SH3RF3: variants seen among roughly 807,000 people sequenced by gnomAD.
SH3RF3 encodes the protein E3 ubiquitin-protein ligase SH3RF3.
A neutral mutation model predicts 66.3 loss-of-function variants in SH3RF3; 29 were observed. That is an observed-to-expected ratio of 0.44 (90% CI 0.33 to 0.60). The LOEUF is 0.60. SH3RF3 is among the 20% of genes least tolerant of loss of function. The probability of loss-of-function intolerance (pLI) is 0.04; values close to 1 mark genes in which losing one functional copy is unlikely to be tolerated. For synonymous variants in SH3RF3, 583 were observed against 532.0 expected (o/e 1.10, Z -1.32); for missense variants, 1,194 against 1,190.9 (o/e 1.00, Z -0.04).
At chr2:109,155,427 C>T (rs926394768) in intron 1 of SH3RF3, among the ~76,000 whole-genome samples, 13 of 152,118 alleles carry the variant, frequency 8.5e-5, no homozygotes, top group African/African-American at 3.1e-4. Context: ...CTCGGCCTCC[C>T]GAGTAGCTGG....
chr2:109,347,597 G>T (rs558925193), intron 1 of SH3RF3, 77 bp from the exon 2 acceptor site: 4 of 1,535,946 alleles, frequency 2.6e-6, no homozygotes, highest in Non-Finnish European at 3.5e-6. Context: ...GAGAAGCCCC[G>T]GCCTGCCCCG....
intron 3 of SH3RF3, among the ~76,000 whole-genome samples, chr2:109,396,132 C>G (rs567954736): frequency 3.6e-4 from 55 of 152,278 alleles, no homozygotes; most frequent in African/African-American, 1.3e-3. Flanking sequence ...TCCTCTATAC[C>G]CTGTCAAGTG....
rs577834828 is a variant in SH3RF3 at position 109,299,480 on chromosome 2, A to G, written c.574-48194A>G. The stretch of plus-strand genomic sequence containing the variant: ...GCCAGCCACCAGGGCCTTTTGAAGC[A>G]GGGAGACCTCCCATGATGTACCCCT... On this transcript the variant is annotated intron_variant, in intron 1 of 9. Transcript: ENST00000309415. Among the ~76,000 whole-genome samples the G allele has an allele frequency of 5.9e-5, 9 of 151,962 alleles. No individual in the cohort carries two copies. The East Asian group carries it at 9.8e-4, about 16-fold the overall frequency.
chr2:109,451,092 C>T (rs1246028347), intron 8 of SH3RF3, among the ~76,000 whole-genome samples: 1 of 152,256 alleles, frequency 6.6e-6, no homozygotes, highest in Non-Finnish European at 1.5e-5. Context: ...GGCCTCAGCA[C>T]CTCCTGTGTT....
At chr2:109,498,161 G>A (rs560368181) in intron 9 of SH3RF3, among the ~76,000 whole-genome samples, 5 of 152,170 alleles carry the variant, frequency 3.3e-5, no homozygotes, top group African/African-American at 1.2e-4. Flanking sequence ...CTTCCTTCCC[G>A]CCTGCATGTC....
intron 1 of SH3RF3, among the ~76,000 whole-genome samples, chr2:109,238,007 A>G (rs952819217): frequency 2.0e-5 from 3 of 152,186 alleles, no homozygotes; most frequent in African/African-American, 7.2e-5. Context: ...GGAGTTCAAA[A>G]TCAGCCTGGG....
At chr2:109,383,970 C>G (rs973544925) in intron 3 of SH3RF3, among the ~76,000 whole-genome samples, 61 of 152,326 alleles carry the variant, frequency 4.0e-4, no homozygotes, top group African/African-American at 1.5e-3. Context: ...CTGGCTGCCA[C>G]AAACAGTTCC....
intron 2 of SH3RF3, among the ~76,000 whole-genome samples, chr2:109,356,488 G>C (rs1049244024): frequency 6.6e-6 from 1 of 152,198 alleles, no homozygotes; most frequent in Non-Finnish European, 1.5e-5. Flanking sequence ...GCCACATATG[G>C]CAGCCTGGTG....
chr2:109,489,885 GT>G (rs2104378994), intron 8 of SH3RF3, among the ~76,000 whole-genome samples: 1 of 152,240 alleles, frequency 6.6e-6, no homozygotes, highest in East Asian at 1.9e-4. Context: ...TTACAGGCAA[GT>G]GCCACCACAC....
intron 3 of SH3RF3, among the ~76,000 whole-genome samples, chr2:109,381,561 G>A (rs760146229): frequency 2.6e-5 from 4 of 151,954 alleles, no homozygotes; most frequent in African/African-American, 4.8e-5. Flanking sequence ...CCAGTCCCCC[G>A]GGCTTCCATG....
chr2:109,301,967 C>T (rs889063290), intron 1 of SH3RF3, among the ~76,000 whole-genome samples: 1 of 152,202 alleles, frequency 6.6e-6, no homozygotes, highest in Admixed American at 6.5e-5. Context: ...TGCATGTCTT[C>T]CTGGACCTGT....
chr2:109,371,842 T>C (rs1375956484), intron 3 of SH3RF3, among the ~76,000 whole-genome samples, 161 bp downstream of exon 3: 1 of 152,198 alleles, frequency 6.6e-6, no homozygotes, highest in Non-Finnish European at 1.5e-5. Flanking sequence ...TTGATTCACC[T>C]CATGGGGTCA....
chr2:109,398,820 C>T lies in SH3RF3; in HGVS notation c.1176C>T (p.Ser392=). ...CGCTCAGTGTGACGCACAGATCCTCCCAGGCTGCCAGCCACAGGCATTCCA... is the reference window on the plus strand; with the variant it reads ...CGCTCAGTGTGACGCACAGATCCTCTCAGGCTGCCAGCCACAGGCATTCCA... ...FTALSVTHRS[S]QAASHRHSME... The change falls in exon 4 of 10, where the codon TCC becomes TCT. Residue 392 remains serine, a synonymous_variant. Coordinates refer to ENST00000309415, the MANE Select transcript of SH3RF3 (RefSeq NM_001099289.3). The T allele has an allele frequency of 6.2e-7, 1 of 1,613,898 alleles. No individual in the cohort carries two copies. Among genetic ancestry groups the T allele is most frequent in the Non-Finnish European group, 8.5e-7 (1 of 1,179,860 alleles).
intron 9 of SH3RF3, among the ~76,000 whole-genome samples, chr2:109,495,477 C>CTTTTTTTTTTTTTTTTTTTTTTTTTTTTT (rs569509984): frequency 1.1e-5 from 1 of 94,240 alleles, no homozygotes; most frequent in African/African-American, 4.6e-5. Flanking sequence ...TCTTTCATTC[C>CTTTTTTTTTTTTTTTTTTTTTTTTTTTTT]TTTTTTTTTT....
chr2:109,158,078 A>G (rs1043138947), intron 1 of SH3RF3, among the ~76,000 whole-genome samples: 4 of 152,146 alleles, frequency 2.6e-5, no homozygotes, highest in Non-Finnish European at 2.9e-5. Flanking sequence ...CTGGACTCCC[A>G]TTTTACAGAC....
chr2:109,306,100 A>G (rs1454763126), intron 1 of SH3RF3, among the ~76,000 whole-genome samples: 3 of 152,204 alleles, frequency 2.0e-5, no homozygotes, highest in African/African-American at 7.2e-5. Context: ...TGTCTACCTC[A>G]CGCTAAAGTT....
At chr2:109,294,746 A>C (rs1681269562) in intron 1 of SH3RF3, among the ~76,000 whole-genome samples, 1 of 152,140 alleles carries the variant, frequency 6.6e-6, no homozygotes, top group Non-Finnish European at 1.5e-5. Flanking sequence ...GGCCACACCC[A>C]AGAAAGGGGC....
chr2:109,181,495 A>G (rs1574490514), intron 1 of SH3RF3, among the ~76,000 whole-genome samples: 1 of 152,318 alleles, frequency 6.6e-6, no homozygotes, highest in Admixed American at 6.5e-5. Context: ...ACACACACAC[A>G]CGCACACTAA....
At chr2:109,195,398 G>A (rs898946896) in intron 1 of SH3RF3, among the ~76,000 whole-genome samples, 1 of 152,234 alleles carries the variant, frequency 6.6e-6, no homozygotes, top group Non-Finnish European at 1.5e-5. Flanking sequence ...GACCAGGCAG[G>A]CCCTGGCCTG....
Sources: gnomAD v4.1 joint callset for allele counts (sites outside exome capture counted in the v4.1 genomes callset) on GRCh38, gnomAD v4.1.1 for gene constraint, MANE v1.5 for transcripts, NCBI Gene and HGNC (gene_info 2026-07-23, HGNC 2026-07-21) for gene names.